TOP6BL: variants seen among roughly 807,000 people sequenced by gnomAD.
The protein encoded by TOP6BL is type 2 DNA topoisomerase 6 subunit B-like.
the TOP6BL span, among the ~76,000 whole-genome samples, chr11:66,817,452 T>C: frequency 6.6e-6 from 1 of 152,062 alleles, no homozygotes; most frequent in African/African-American, 2.4e-5. Flanking sequence ...ATGATGATGA[T>C]TTTTGAGACA....
chr11:66,765,036 A>T, the TOP6BL span, among the ~76,000 whole-genome samples: 2 of 152,168 alleles, frequency 1.3e-5, no homozygotes, highest in Admixed American at 6.6e-5. Flanking sequence ...CATTCCTTGC[A>T]AAATAAACCC....
At chr11:66,758,296 C>CTTTTTTTTT in the TOP6BL span, 2 of 57,394 alleles carry the variant, frequency 3.5e-5, no homozygotes, top group African/African-American at 6.9e-5. Flanking sequence ...CTGGTATTTT[C>CTTTTTTTTT]TTTTTCTTTT....
At chr11:66,751,498 ATTTTTTTT>A in the TOP6BL span, among the ~76,000 whole-genome samples, 2 of 135,878 alleles carry the variant, frequency 1.5e-5, no homozygotes, top group Admixed American at 7.4e-5. Context: ...TGGCTGACTA[ATTTTTTTT>A]TTTTTTTTTT....
At chr11:66,843,506 G>C in the TOP6BL span, 2 of 1,490,856 alleles carry the variant, frequency 1.3e-6, no homozygotes, top group Non-Finnish European at 8.8e-7. Flanking sequence ...TGTCGCGGCC[G>C]GAGCGGCCGC....
chr11:66,825,579 G>A, the TOP6BL span, among the ~76,000 whole-genome samples: 1,645 of 151,954 alleles, frequency 0.011, 37 homozygotes, highest in African/African-American at 0.037. Flanking sequence ...ACAGCCCAGA[G>A]GAGGGCCCTC....
the TOP6BL span, among the ~76,000 whole-genome samples, chr11:66,785,415 A>G: frequency 6.6e-6 from 1 of 152,164 alleles, no homozygotes; most frequent in Admixed American, 6.5e-5. Flanking sequence ...CCTTAGGTAT[A>G]AGTGCATTGG....
chr11:66,808,318 T>C, the TOP6BL span, among the ~76,000 whole-genome samples: 5 of 152,276 alleles, frequency 3.3e-5, no homozygotes, highest in East Asian at 7.7e-4. Flanking sequence ...GAGGATTGCT[T>C]GAGCCTGCAA....
chr11:66,839,350 C>T, the TOP6BL span: 4 of 375,678 alleles, frequency 1.1e-5, no homozygotes, highest in East Asian at 2.3e-4. Context: ...CAAGGCTACA[C>T]AGCCAGTAAA....
At chr11:66,788,507 T>G in the TOP6BL span, among the ~76,000 whole-genome samples, 1 of 152,154 alleles carries the variant, frequency 6.6e-6, no homozygotes, top group Non-Finnish European at 1.5e-5. Context: ...TAATTATTAG[T>G]CTTCTTGGGC....
chr11:66,759,095 A>T, the TOP6BL span: 5 of 1,538,266 alleles, frequency 3.3e-6, no homozygotes, highest in Non-Finnish European at 4.4e-6. Context: ...AGTTCCTAAA[A>T]GGTAAAGAAT....
At chr11:66,757,140 C>T in the TOP6BL span, among the ~76,000 whole-genome samples, 5 of 151,924 alleles carry the variant, frequency 3.3e-5, no homozygotes, top group African/African-American at 9.7e-5. Context: ...GTCAGGAGTT[C>T]GAGACCAGCC....
At chr11:66,757,259 C>A in the TOP6BL span, among the ~76,000 whole-genome samples, 5 of 152,084 alleles carry the variant, frequency 3.3e-5, no homozygotes, top group Non-Finnish European at 7.4e-5. Context: ...AGGAGAATTG[C>A]ATGAACCTGG....
the TOP6BL span, among the ~76,000 whole-genome samples, chr11:66,807,237 A>G: frequency 6.6e-6 from 1 of 152,174 alleles, no homozygotes; most frequent in Non-Finnish European, 1.5e-5. Flanking sequence ...ATTTAGACCA[A>G]CCTTCTCAAT....
the TOP6BL span, chr11:66,822,577 T>TACAG: frequency 6.4e-7 from 1 of 1,550,998 alleles, no homozygotes; most frequent in Non-Finnish European, 8.7e-7. Flanking sequence ...CAGCAGAAAC[T>TACAG]ACAGGCCTCA....
the TOP6BL span, among the ~76,000 whole-genome samples, chr11:66,791,690 T>A: frequency 6.6e-6 from 1 of 152,158 alleles, no homozygotes; most frequent in African/African-American, 2.4e-5. Flanking sequence ...GCAGCATCTA[T>A]TTTTTTCATA....
chr11:66,828,209 T>G, the TOP6BL span: 1 of 1,244,418 alleles, frequency 8.0e-7, no homozygotes, highest in Non-Finnish European at 1.2e-6. Flanking sequence ...TGTGAGAACT[T>G]TCCCCCTTGG....
chr11:66,802,955 CTATT>C, the TOP6BL span, among the ~76,000 whole-genome samples: 33 of 152,278 alleles, frequency 2.2e-4, no homozygotes, highest in African/African-American at 6.3e-4. Context: ...TATTTCCTCT[CTATT>C]AATTAATTCA....
At chr11:66,762,791 A>AT in the TOP6BL span, among the ~76,000 whole-genome samples, 1 of 152,178 alleles carries the variant, frequency 6.6e-6, no homozygotes, top group Admixed American at 6.5e-5. Flanking sequence ...TATCTTGGTC[A>AT]TATCAAAGAA....
At chr11:66,804,245 C>G in the TOP6BL span, 1 of 1,412,508 alleles carries the variant, frequency 7.1e-7, no homozygotes, top group East Asian at 2.4e-5. Flanking sequence ...GTTTTTATAT[C>G]CCAGTTTTAG....
Sources: gnomAD v4.1 joint callset for allele counts (sites outside exome capture counted in the v4.1 genomes callset) on GRCh38, gnomAD v4.1.1 for gene constraint, MANE v1.5 for transcripts, NCBI Gene and HGNC (gene_info 2026-07-23, HGNC 2026-07-21) for gene names.